The following TUSC1 variants were observed in gnomAD, a reference collection of about 807,000 sequenced individuals.
TUSC1 encodes the protein tumor suppressor candidate gene 1 protein.
TUSC1 carries 8 observed loss-of-function variants against 5.2 expected under a neutral mutation model. The ratio of observed to expected loss-of-function variants is 1.54; its 90% CI spans 0.90 to 2.77. TUSC1 has a LOEUF of 2.77. Ranked by LOEUF, TUSC1 falls within the 30% of genes most tolerant of loss-of-function variation. TUSC1 has a pLI of 0.00. For missense variants in TUSC1, 442 were observed against 324.2 expected, an observed-to-expected ratio of 1.36 and a Z score of -2.79; for synonymous variants, 192 against 144.2, an observed-to-expected ratio of 1.33 and a Z score of -2.37.
Position 25,678,279 on chromosome 9 carries a change from C to G in TUSC1, c.34G>C (p.Gly12Arg). Residue 12 changes from glycine to arginine, a missense_variant, in exon 1 of 1, where the codon GGG becomes CGG. Physicochemically the swap from Gly to Arg is moderately radical, Grantham distance 125. Transcript: ENST00000358022. ...GCACCGTCCCCGCCGCAGCAACTCC[C>G]GCGCCTAGTGGCGCCACCACGCATG... ...WRMRGGATRRGSCCGGDGAAD... is the reference protein window; with the variant it reads ...WRMRGGATRRRSCCGGDGAAD... The G allele has an allele frequency of 6.8e-7, 1 of 1,466,558 alleles. No homozygotes were observed. The highest frequency in any genetic ancestry group is 9.0e-7 in the Non-Finnish European group (1 of 1,111,368). The allele number at this position is 1,466,558 out of a possible 1,614,324, so 90.8% of individuals were successfully genotyped here.
chr9:25,678,210 C>A lies in TUSC1; in HGVS notation c.103G>T (p.Gly35Trp), dbSNP rs1819090158. The part of the protein sequence containing the change: ...GPGRSGRARG[G>W]GSPSGGGGGV... ...CCGCCGCCGCCGCTGGGGCTGCCCC[C>A]ACCACGAGCCCGGCCGGAGCGGCCT... is the stretch of plus-strand genomic sequence containing the variant. Residue 35 changes from glycine to tryptophan, a missense_variant, in exon 1 of 1, where the codon GGG (glycine) becomes TGG (tryptophan). Gly to Trp is a radical substitution (Grantham distance 184). Transcript: ENST00000358022. 7.3e-7 allele frequency: 1 copy of A among 1,366,568 alleles called. No homozygotes were observed. The highest frequency in any genetic ancestry group is 9.4e-7 in the Non-Finnish European group (1 of 1,061,546). The allele number at this position is 1,366,568 out of a possible 1,614,324, so 84.7% of individuals were successfully genotyped here.
rs1346174544 is a variant in TUSC1 at position 25,677,206 on chromosome 9, A to G, written c.*477T>C. On this transcript the variant is annotated 3_prime_UTR_variant, in exon 1 of 1. Transcript: ENST00000358022. Reference sequence around the variant, plus strand: ...ACACTGTACTTAAAATGTTGGCCACATATGAAAGAATAGCTGAAGGCTTTA... The same window carrying G: ...ACACTGTACTTAAAATGTTGGCCACGTATGAAAGAATAGCTGAAGGCTTTA... The G allele has an allele frequency of 6.4e-6, 1 of 157,184 alleles. No homozygotes were observed. The highest frequency in any genetic ancestry group is 1.4e-5 in the Non-Finnish European group (1 of 71,642). 9.7% of individuals were successfully genotyped at this position (157,184 alleles called of 1,614,324 possible).
In TUSC1 at chr9:25,678,007, G is replaced by A. The variant is rs914752653; in HGVS notation, c.306C>T (p.Arg102=). The A allele has an allele frequency of 4.5e-6, 7 of 1,558,150 alleles. No individual in the cohort carries two copies. The highest frequency in any genetic ancestry group is 6.0e-6 in the Non-Finnish European group (7 of 1,158,210). ...RLRLENRRLK[R]ENRSLFRQAL... ...CCTGACGGAAGAGGCTGCGGTTCTC[G>A]CGCTTCAGCCGCCGGTTCTCGAGCC... Residue 102 remains arginine (R), a synonymous_variant, in exon 1 of 1, where the codon CGC becomes CGT. Transcript: ENST00000358022.
In TUSC1 at chr9:25,677,802, G is replaced by T; in HGVS notation, c.511C>A (p.Gln171Lys). ...GGTCCCCGCTGCTCGAGGTGCAGCT[G>T]CAGCAGGGCCCGGCGGTACATGGCT... ...LEAMYRRALLQLHLEQRGPRP... is the reference protein window; with the variant it reads ...LEAMYRRALLKLHLEQRGPRP... The change falls in exon 1 of 1, where the codon CAG (glutamine) becomes AAG (lysine). Residue 171 changes from glutamine to lysine, a missense_variant. Gln to Lys is a moderately conservative substitution (Grantham distance 53). Coordinates refer to ENST00000358022, the MANE Select transcript of TUSC1 (RefSeq NM_001004125.3). 2 of 1,591,802 alleles carry T rather than the reference G, an allele frequency of 1.3e-6. No individual in the cohort carries two copies. The highest frequency in any genetic ancestry group is 8.5e-7 in the Non-Finnish European group (1 of 1,170,298).
chr9:25,678,203 C>T lies in TUSC1; in HGVS notation c.110G>A (p.Ser37Asn). Residue 37 changes from serine to asparagine, a missense_variant, in exon 1 of 1, where the codon AGC (serine) becomes AAC (asparagine). By Grantham distance (46) the Ser-to-Asn change is conservative. Coordinates refer to ENST00000358022, the MANE Select transcript of TUSC1 (RefSeq NM_001004125.3). ...GRSGRARGGG[S>N]PSGGGGGVGW... Reference sequence around the variant, plus strand: ...CACGCCGCCGCCGCCGCCGCTGGGGCTGCCCCCACCACGAGCCCGGCCGGA... The same window carrying T: ...CACGCCGCCGCCGCCGCCGCTGGGGTTGCCCCCACCACGAGCCCGGCCGGA... 1 of 1,371,962 alleles carries T rather than the reference C, an allele frequency of 7.3e-7. No individual in the cohort carries two copies. The highest frequency in any genetic ancestry group is 9.4e-7 in the Non-Finnish European group (1 of 1,064,918). The allele number at this position is 1,371,962 out of a possible 1,614,324, so 85.0% of individuals were successfully genotyped here.
chr9:25,677,598 A>T lies in TUSC1; in HGVS notation c.*85T>A. 1 of 1,439,076 alleles carries T rather than the reference A, an allele frequency of 6.9e-7. No individual in the cohort carries two copies. Among genetic ancestry groups the T allele is most frequent in the Non-Finnish European group, 9.1e-7 (1 of 1,101,816 alleles). 89.1% of individuals were successfully genotyped at this position (1,439,076 alleles called of 1,614,324 possible). Reference sequence around the variant, plus strand: ...GGTATCCGCGGGCAGGGAGCGGGCCAGGGCGTGCGCGAGGTCGGGGGTAGC... The same window carrying T: ...GGTATCCGCGGGCAGGGAGCGGGCCTGGGCGTGCGCGAGGTCGGGGGTAGC... On this transcript the variant is annotated 3_prime_UTR_variant, in exon 1 of 1. Coordinates refer to ENST00000358022, the MANE Select transcript of TUSC1 (RefSeq NM_001004125.3).
Position 25,678,342 on chromosome 9 carries a change from C to G in TUSC1, c.-30G>C, listed in dbSNP as rs773896429. On this transcript the variant is annotated 5_prime_UTR_variant, in exon 1 of 1. Transcript: ENST00000358022. ...CCCATCCCAACCGCGCCGCCAGCCC[C>G]GTGGGCTGAGGGGCCGCGCGGCCAG... 1.5e-5 allele frequency: 21 copies of G among 1,385,408 alleles called. No homozygotes were observed. The highest frequency in any genetic ancestry group is 3.2e-5 in the South Asian group (2 of 62,116). The allele number at this position is 1,385,408 out of a possible 1,614,324, so 85.8% of individuals were successfully genotyped here. A position where few individuals can be genotyped will look rare whatever the true frequency, so the allele number is the denominator to read the frequency against.
At position 25,677,719 on chromosome 9, in the gene TUSC1, G is replaced by A. The variant is rs780625194; in HGVS notation, c.594C>T (p.Arg198=). ...QPLQEPDSGL[R]SRDSEPSGPW... ...GCCCAGAGGGCTCCGAGTCCCGGGAGCGGAGGCCGGAGTCGGGTTCCTGTA... is the reference window on the plus strand; with the variant it reads ...GCCCAGAGGGCTCCGAGTCCCGGGAACGGAGGCCGGAGTCGGGTTCCTGTA... The change falls in exon 1 of 1, where the codon CGC becomes CGT. Residue 198 remains arginine (R), a synonymous_variant. Transcript: ENST00000358022. 1.3e-6 allele frequency: 2 copies of A among 1,561,912 alleles called. No individual in the cohort carries two copies. Among genetic ancestry groups the A allele is most frequent in the East Asian group, 2.4e-5 (1 of 41,854 alleles).
Position 25,678,290 on chromosome 9 carries a change from G to A in TUSC1, c.23C>T (p.Ala8Val). 1 of 1,468,402 alleles carries A rather than the reference G, an allele frequency of 6.8e-7. No individual in the cohort carries two copies. Among genetic ancestry groups the A allele is most frequent in the South Asian group, 1.3e-5 (1 of 77,170 alleles). 91.0% of individuals were successfully genotyped at this position (1,468,402 alleles called of 1,614,324 possible). A position where few individuals can be genotyped will look rare whatever the true frequency, so the allele number is the denominator to read the frequency against. Residue 8 changes from alanine (A) to valine (V), a missense_variant, in exon 1 of 1, where the codon GCC (alanine) becomes GTC (valine). Coordinates refer to ENST00000358022, the MANE Select transcript of TUSC1 (RefSeq NM_001004125.3). ...GCCGCAGCAACTCCCGCGCCTAGTG[G>A]CGCCACCACGCATGCGCCACATCGG... MWRMRGG[A>V]TRRGSCCGGD...
At position 25,677,919 on chromosome 9, in the gene TUSC1, C is replaced by T; in HGVS notation, c.394G>A (p.Glu132Lys). 1 of 1,570,930 alleles carries T rather than the reference C, an allele frequency of 6.4e-7. No individual in the cohort carries two copies. The highest frequency in any genetic ancestry group is 8.6e-7 in the Non-Finnish European group (1 of 1,162,152). The change falls in exon 1 of 1, where the codon GAG becomes AAG. Residue 132 changes from glutamate to lysine, a missense_variant. Coordinates refer to ENST00000358022, the MANE Select transcript of TUSC1 (RefSeq NM_001004125.3). ...TPAEARRVPE[E>K]ASTNRRARDS... ...CTAGCCCTCCGGTTCGTGCTGGCCT[C>T]TTCAGGGACCCGGCGTGCCTCCGCG...
rs566784902 is a variant in TUSC1 at position 25,677,573 on chromosome 9, G to A, written c.*110C>T. ...GGGGCGGGAAGGCACCGTAGTCCAAGGTATCCGCGGGCAGGGAGCGGGCCA... is the reference window on the plus strand; with the variant it reads ...GGGGCGGGAAGGCACCGTAGTCCAAAGTATCCGCGGGCAGGGAGCGGGCCA... On this transcript the variant is annotated 3_prime_UTR_variant, in exon 1 of 1. Transcript: ENST00000358022. 3.5e-6 allele frequency: 5 copies of A among 1,433,760 alleles called. No homozygotes were observed. The highest frequency in any genetic ancestry group is 2.9e-5 in the African/African-American group (2 of 69,518). 88.8% of individuals were successfully genotyped at this position (1,433,760 alleles called of 1,614,324 possible).
Position 25,677,524 on chromosome 9 carries a change from G to C in TUSC1, c.*159C>G. 2.2e-6 allele frequency: 3 copies of C among 1,369,522 alleles called. No homozygotes were observed. The Admixed American group carries it at 8.6e-5, about 39-fold the overall frequency. The allele number at this position is 1,369,522 out of a possible 1,614,324, so 84.8% of individuals were successfully genotyped here. A position where few individuals can be genotyped will look rare whatever the true frequency, so the allele number is the denominator to read the frequency against. The stretch of plus-strand genomic sequence containing the variant: ...ACCTCCACCAAGCGGATGGCCAAGC[G>C]CCACCCGGAAGTGTCCACTGGTGGG... On this transcript the variant is annotated 3_prime_UTR_variant, in exon 1 of 1. Coordinates refer to ENST00000358022, the MANE Select transcript of TUSC1 (RefSeq NM_001004125.3).
rs769328468 is a variant in TUSC1 at position 25,677,722 on chromosome 9, G to A, written c.591C>T (p.Leu197=). Residue 197 remains leucine (L), a synonymous_variant, in exon 1 of 1, where the codon CTC becomes CTT. Transcript: ENST00000358022. Reference sequence around the variant, plus strand: ...CAGAGGGCTCCGAGTCCCGGGAGCGGAGGCCGGAGTCGGGTTCCTGTAGAG... The same window carrying A: ...CAGAGGGCTCCGAGTCCCGGGAGCGAAGGCCGGAGTCGGGTTCCTGTAGAG... ...EQPLQEPDSG[L]RSRDSEPSGP... 1.3e-6 allele frequency: 2 copies of A among 1,563,806 alleles called. No homozygotes were observed. Among genetic ancestry groups the A allele is most frequent in the African/African-American group, 1.4e-5 (1 of 73,852 alleles).
rs758895255 is a variant in TUSC1, at chr9:25,677,909, G to A, written c.404C>T (p.Thr135Met). Reference sequence around the variant, plus strand: ...GCCGCTGTCTCTAGCCCTCCGGTTCGTGCTGGCCTCTTCAGGGACCCGGCG... The same window carrying A: ...GCCGCTGTCTCTAGCCCTCCGGTTCATGCTGGCCTCTTCAGGGACCCGGCG... ...EARRVPEEAS[T>M]NRRARDSGRE... Residue 135 changes from threonine (T) to methionine (M), a missense_variant, in exon 1 of 1, where the codon ACG (threonine) becomes ATG (methionine). Transcript: ENST00000358022. The A allele has an allele frequency of 1.3e-6, 2 of 1,579,056 alleles. No homozygotes were observed. The highest frequency in any genetic ancestry group is 2.7e-5 in the African/African-American group (2 of 74,338).
Position 25,677,884 on chromosome 9 carries a change from GC to G in TUSC1, c.428del (p.Gly143AlafsTer12), listed in dbSNP as rs1177358738. 1.3e-6 allele frequency: 2 copies of G among 1,589,860 alleles called. No homozygotes were observed. Among genetic ancestry groups the G allele is most frequent in the South Asian group, 1.1e-5 (1 of 88,308 alleles). ...TGGGGCTGCCCGGCTCGTCCTCTCG[GC>G]CGCTGTCTCTAGCCCTCCGGTTCGT... Reference protein sequence around the residue: ...ASTNRRARDSGREDEPGSPRA... With the variant: ...ASTNRRARDSXREDEPGSPRA... On this transcript the variant is annotated frameshift_variant, in exon 1 of 1. Transcript: ENST00000358022. LOFTEE classifies it low-confidence loss of function (END_TRUNC).
chr9:25,678,027 C>T lies in TUSC1; in HGVS notation c.286G>A (p.Glu96Lys), dbSNP rs772172120. The T allele has an allele frequency of 6.4e-7, 1 of 1,566,578 alleles. No homozygotes were observed. The highest frequency in any genetic ancestry group is 1.2e-5 in the South Asian group (1 of 86,060). The change falls in exon 1 of 1, where the codon GAG (glutamate) becomes AAG (lysine). Residue 96 changes from glutamate to lysine, a missense_variant. Physicochemically the swap from Glu to Lys is moderately conservative, Grantham distance 56 (BLOSUM62 1). Coordinates refer to ENST00000358022, the MANE Select transcript of TUSC1 (RefSeq NM_001004125.3). ...LRQENARLRL[E>K]NRRLKRENRS... Reference sequence around the variant, plus strand: ...TTCTCGCGCTTCAGCCGCCGGTTCTCGAGCCGCAGCCGGGCGTTCTCCTGA... The same window carrying T: ...TTCTCGCGCTTCAGCCGCCGGTTCTTGAGCCGCAGCCGGGCGTTCTCCTGA...
chr9:25,677,404 G>A lies in TUSC1; in HGVS notation c.*279C>T. On this transcript the variant is annotated 3_prime_UTR_variant, in exon 1 of 1. Coordinates refer to ENST00000358022, the MANE Select transcript of TUSC1 (RefSeq NM_001004125.3). The stretch of plus-strand genomic sequence containing the variant: ...TCGCTGTTTTAAAATCCGTCCCTTC[G>A]TTGTTGGCTAGGCCTCTCTCCAGGG... 1 of 449,410 alleles carries A rather than the reference G, an allele frequency of 2.2e-6. No homozygotes were observed. The highest frequency in any genetic ancestry group is 3.8e-6 in the Non-Finnish European group (1 of 261,422). The allele number at this position is 449,410 out of a possible 1,614,324, so 27.8% of individuals were successfully genotyped here.
In TUSC1 at chr9:25,677,525, C is replaced by A; in HGVS notation, c.*158G>T. Reference sequence around the variant, plus strand: ...CCTCCACCAAGCGGATGGCCAAGCGCCACCCGGAAGTGTCCACTGGTGGGG... The same window carrying A: ...CCTCCACCAAGCGGATGGCCAAGCGACACCCGGAAGTGTCCACTGGTGGGG... On this transcript the variant is annotated 3_prime_UTR_variant, in exon 1 of 1. Transcript: ENST00000358022. 2.9e-6 allele frequency: 4 copies of A among 1,381,324 alleles called. No homozygotes were observed. The highest frequency in any genetic ancestry group is 2.8e-6 in the Non-Finnish European group (3 of 1,052,934). 85.6% of individuals were successfully genotyped at this position (1,381,324 alleles called of 1,614,324 possible).
chr9:25,677,467 T>G lies in TUSC1; in HGVS notation c.*216A>C. On this transcript the variant is annotated 3_prime_UTR_variant, in exon 1 of 1. Transcript: ENST00000358022. ...GCAAGAGGCAGGGGAACTGTACATGTGGGAGGTCCTGAGGGCCCTTGCACC... is the reference window on the plus strand; with the variant it reads ...GCAAGAGGCAGGGGAACTGTACATGGGGGAGGTCCTGAGGGCCCTTGCACC... 1.2e-6 allele frequency: 1 copy of G among 801,624 alleles called. No individual in the cohort carries two copies. The highest frequency in any genetic ancestry group is 1.9e-6 in the Non-Finnish European group (1 of 530,104). The allele number at this position is 801,624 out of a possible 1,614,324, so 49.7% of individuals were successfully genotyped here. A position where few individuals can be genotyped will look rare whatever the true frequency, so the allele number is the denominator to read the frequency against.
Sources: gnomAD v4.1 joint callset for allele counts on GRCh38, gnomAD v4.1.1 for gene constraint, MANE v1.5 for transcripts, NCBI Gene and HGNC (gene_info 2026-07-23, HGNC 2026-07-21) for gene names.